Variants in SLC36A1 observed in about 807,000 individuals in gnomAD.
The protein encoded by SLC36A1 is proton-coupled amino acid transporter 1.
Under a neutral mutation model 47.5 loss-of-function variants are expected in SLC36A1, and 30 were observed. That is an observed-to-expected ratio of 0.63 (90% CI 0.47 to 0.86). The LOEUF (loss-of-function observed/expected upper bound fraction) is 0.86. Among genes scored for constraint, SLC36A1 ranks in the 40% least tolerant of loss-of-function variants. The pLI, the probability that SLC36A1 is intolerant of heterozygous loss-of-function variation, is 0.00. For missense variants in SLC36A1, 517 were observed against 606.0 expected, an observed-to-expected ratio of 0.85 and a Z score of 1.54; for synonymous variants, 255 against 249.7, an observed-to-expected ratio of 1.02 and a Z score of -0.20.
the SLC36A1 span, among the ~76,000 whole-genome samples, chr5:151,538,330 G>A: frequency 6.6e-5 from 10 of 152,158 alleles, no homozygotes; most frequent in South Asian, 4.1e-4. Flanking sequence ...AAGGCAAGAT[G>A]GGCCTGATAT....
the SLC36A1 span, chr5:151,380,844 C>T: frequency 7.0e-5 from 32 of 458,618 alleles, 1 homozygote; most frequent in Middle Eastern, 9.6e-3. Flanking sequence ...CCACTGCCTC[C>T]AGGACACAGC....
the SLC36A1 span, among the ~76,000 whole-genome samples, chr5:151,518,915 G>A: frequency 6.6e-6 from 1 of 152,316 alleles, no homozygotes; most frequent in Non-Finnish European, 1.5e-5. Flanking sequence ...AAATAAGCTT[G>A]TCAGTTGTCA....
chr5:151,459,193 T>G (rs1204326387), intron 2 of SLC36A1, among the ~76,000 whole-genome samples: 6 of 152,204 alleles, frequency 3.9e-5, no homozygotes, highest in Admixed American at 2.6e-4. Context: ...TAAAAAAAGC[T>G]TCTACAGAGG....
At chr5:151,531,907 G>T in the SLC36A1 span, 1 of 1,614,216 alleles carries the variant, frequency 6.2e-7, no homozygotes, top group Non-Finnish European at 8.5e-7. This position sits in a 1 kb window ranked among gnomAD's most constrained non-coding sequence, Gnocchi z 5.7. Flanking sequence ...CCCCGTGGTG[G>T]CGTCGATGGA....
chr5:151,505,746 A>T, the SLC36A1 span: 1 of 1,613,412 alleles, frequency 6.2e-7, no homozygotes, highest in East Asian at 2.2e-5. Flanking sequence ...CCCGTCTGCC[A>T]GGCAGGGCCC....
chr5:151,345,637 G>C, the SLC36A1 span, among the ~76,000 whole-genome samples: 1 of 152,174 alleles, frequency 6.6e-6, no homozygotes, highest in East Asian at 1.9e-4. Flanking sequence ...TACTCGCCAG[G>C]CTAGCAATGG....
chr5:151,512,653 G>T, the SLC36A1 span: 4 of 1,495,976 alleles, frequency 2.7e-6, no homozygotes, highest in Non-Finnish European at 3.6e-6. This position sits in a 1 kb window ranked among gnomAD's most constrained non-coding sequence, Gnocchi z 4.1. Flanking sequence ...AGGAGTCCTT[G>T]TAAACCTGCT....
chr5:151,526,664 A>T, the SLC36A1 span, among the ~76,000 whole-genome samples: 2 of 152,210 alleles, frequency 1.3e-5, no homozygotes, highest in Admixed American at 6.5e-5. Flanking sequence ...ATTTTTAGTC[A>T]GGTAACTTAT....
the SLC36A1 span, chr5:151,347,549 C>G: frequency 6.6e-7 from 1 of 1,511,616 alleles, no homozygotes; most frequent in Non-Finnish European, 9.1e-7. Context: ...AGATGTACAC[C>G]CCAGCACAGT....
At chr5:151,500,705 C>T in the SLC36A1 span, among the ~76,000 whole-genome samples, 9 of 152,236 alleles carry the variant, frequency 5.9e-5, no homozygotes, top group South Asian at 8.3e-4. Flanking sequence ...TGAGATAAGA[C>T]GCTGAGTGCT....
intron 10 of SLC36A1, 94 bp downstream of exon 10, chr5:151,479,583 A>C: frequency 6.9e-7 from 1 of 1,452,110 alleles, no homozygotes; most frequent in South Asian, 1.3e-5. Context: ...TGTTGTAGTG[A>C]AGCTGGCTAT....
intron 3 of SLC36A1, among the ~76,000 whole-genome samples, chr5:151,463,913 A>G (rs1755957016): frequency 6.6e-6 from 1 of 152,236 alleles, no homozygotes; most frequent in Admixed American, 6.5e-5. Context: ...GAGAGGATGT[A>G]CTGAGATGGC....
the SLC36A1 span, among the ~76,000 whole-genome samples, chr5:151,525,158 T>G: frequency 6.6e-6 from 1 of 152,108 alleles, no homozygotes; most frequent in Non-Finnish European, 1.5e-5. Flanking sequence ...TCCCAGCCCA[T>G]AAGTTTACAG....
chr5:151,469,369 CT>C (rs1757021472), intron 7 of SLC36A1: 2 of 619,644 alleles, frequency 3.2e-6, no homozygotes. Context: ...TTTTTTCCAC[CT>C]TAAAAATGCC....
the SLC36A1 span, chr5:151,534,502 G>T: frequency 3.1e-6 from 5 of 1,614,092 alleles, no homozygotes; most frequent in Middle Eastern, 5.0e-4. Flanking sequence ...GGGAAGAACC[G>T]CGGGGCATTG....
At chr5:151,481,894 T>C (rs1176134148) in intron 10 of SLC36A1, among the ~76,000 whole-genome samples, 2 of 152,242 alleles carry the variant, frequency 1.3e-5, no homozygotes, top group Non-Finnish European at 2.9e-5. Flanking sequence ...TGGAAGAGGC[T>C]GGCCCCACCT....
chr5:151,364,620 A>G, the SLC36A1 span, among the ~76,000 whole-genome samples: 3 of 152,206 alleles, frequency 2.0e-5, no homozygotes, highest in Non-Finnish European at 2.9e-5. Flanking sequence ...AACTAATCCT[A>G]AAAGGAGTAA....
At position 151,464,599 on chromosome 5, in the gene SLC36A1, G is replaced by A. The variant is rs769130622; in HGVS notation, c.320G>A (p.Arg107His). The change falls in exon 4 of 11, where the codon CGC (arginine) becomes CAC (histidine). Residue 107 changes from arginine (R) to histidine (H), a missense_variant. Arg to His is a conservative substitution (Grantham distance 29). Transcript: ENST00000243389. ...ILVKCAHHFC[R>H]RLNKSFVDYG... is the part of the protein sequence containing the mutation. ...GTGAAATGTGCTCACCACTTCTGCC[G>A]CAGGTGAGAGCCCTCTGAGCCACCT... 1.5e-5 allele frequency: 25 copies of A among 1,613,616 alleles called. No homozygotes were observed. Among genetic ancestry groups the A allele is most frequent in the Middle Eastern group, 1.6e-4 (1 of 6,084 alleles).
At chr5:151,512,202 G>A in the SLC36A1 span, 1 of 1,614,160 alleles carries the variant, frequency 6.2e-7, no homozygotes. The surrounding 1 kb of genome is among the most constrained non-coding windows in gnomAD (Gnocchi z 4.1). Context: ...CACCATTGAG[G>A]CATGTGTTCT....
Sources: allele counts gnomAD v4.1 joint callset (sites outside exome capture counted in the v4.1 genomes callset), GRCh38; gene constraint gnomAD v4.1.1; non-coding constraint Gnocchi (gnomAD v3.1); transcripts MANE v1.5; gene names NCBI Gene and HGNC (gene_info 2026-07-23, HGNC 2026-07-21).